The following NAPRT variants were observed in gnomAD, a reference collection of about 807,000 sequenced individuals.
NAPRT encodes nicotinate phosphoribosyltransferase, also known as FHA-HIT-interacting protein.
A neutral mutation model predicts 60.7 loss-of-function variants in NAPRT; 66 were observed. That is an observed-to-expected ratio of 1.09 (90% CI 0.89 to 1.33). The LOEUF (loss-of-function observed/expected upper bound fraction) is 1.33, where lower values mean the gene tolerates loss of function less well. Ranked by LOEUF, NAPRT falls within the 40% of genes most tolerant of loss-of-function variation. The pLI is 0.00. For missense variants in NAPRT, 818 were observed against 731.5 expected, an observed-to-expected ratio of 1.12 and a Z score of -1.36; for synonymous variants, 405 against 335.7, an observed-to-expected ratio of 1.21 and a Z score of -2.26.
downstream of NAPRT, chr8:143,573,378 T>G (rs1824194966): frequency 6.6e-6 from 1 of 152,342 alleles, no homozygotes; most frequent in African/African-American, 2.4e-5. Context: ...AATCTCATGT[T>G]GAAACGTAAT....
Position 143,575,084 on chromosome 8 carries a change from G to C in NAPRT, c.1456C>G (p.Pro486Ala), listed in dbSNP as rs748543129. ...CTAGACTCTGCCAGGGATGGGAGCGGCTCACACAGCTGCAGGGAGGAGGTA... is the reference window on the plus strand; with the variant it reads ...CTAGACTCTGCCAGGGATGGGAGCGCCTCACACAGCTGCAGGGAGGAGGTA... ...LCLQQGQLCEPLPSLAESRAL... is the reference protein window; with the variant it reads ...LCLQQGQLCEALPSLAESRAL... Residue 486 changes from proline to alanine, a missense_variant, in exon 12 of 13, where the codon CCG becomes GCG. Physicochemically the swap from Pro to Ala is conservative, Grantham distance 27 (BLOSUM62 -1). Transcript: ENST00000449291. The C allele has an allele frequency of 6.6e-7, 1 of 1,516,298 alleles. No individual in the cohort carries two copies. Among genetic ancestry groups the C allele is most frequent in the Admixed American group, 2.1e-5 (1 of 48,420 alleles). The allele number at this position is 1,516,298 out of a possible 1,614,324, so 93.9% of individuals were successfully genotyped here. A position where few individuals can be genotyped will look rare whatever the true frequency, so the allele number is the denominator to read the frequency against.
Position 143,574,874 on chromosome 8 carries a change from G to A in NAPRT, c.1581C>T (p.Ala527=), listed in dbSNP as rs1158339535. ...GCCCCGCACACAGACTGTTCACCAG[G>A]GCCTGCAGCCTCTCGGACAGCACCA... ...YQVVLSERLQ[A]LVNSLCAGQS... is the part of the protein sequence containing the mutation. Residue 527 remains alanine (A), a synonymous_variant, in exon 13 of 13, where the codon GCC becomes GCT. Transcript: ENST00000449291. 2 of 1,550,634 alleles carry A rather than the reference G, an allele frequency of 1.3e-6. No individual in the cohort carries two copies. The highest frequency in any genetic ancestry group is 2.0e-5 in the Admixed American group (1 of 51,016).
downstream of NAPRT, chr8:143,574,711 C>G: frequency 8.6e-7 from 1 of 1,166,356 alleles, no homozygotes; most frequent in Non-Finnish European, 1.2e-6. Context: ...ATTCCCGACT[C>G]CAGCCCAGCC....
rs1166947577 is a variant in NAPRT at position 143,576,061 on chromosome 8, C to A, written c.1107+17G>T. On this transcript the variant is annotated intron_variant, in intron 8 of 12. Transcript: ENST00000449291. Reference sequence around the variant, plus strand: ...AGCCCCCCAGCCACCCTCCGCCTACCCACTCATCCACCCCACCTCCTGGGC... The same window carrying A: ...AGCCCCCCAGCCACCCTCCGCCTACACACTCATCCACCCCACCTCCTGGGC... 1.3e-6 allele frequency: 2 copies of A among 1,562,568 alleles called. No homozygotes were observed. The highest frequency in any genetic ancestry group is 2.3e-5 in the East Asian group (1 of 43,936).
chr8:143,578,192 G>T lies in NAPRT; in HGVS notation c.127C>A (p.Leu43Ile). The T allele has an allele frequency of 6.6e-7, 1 of 1,511,658 alleles. No individual in the cohort carries two copies. 93.6% of individuals were successfully genotyped at this position (1,511,658 alleles called of 1,614,324 possible). Residue 43 changes from leucine to isoleucine, a missense_variant, in exon 1 of 13, where the codon CTC becomes ATC. Transcript: ENST00000449291. Reference sequence around the variant, plus strand: ...CCGAACGGGCAGCGGCGGAAGAAGAGCTCGAACTCGGCGGCGTCCCGCGCC... The same window carrying T: ...CCGAACGGGCAGCGGCGGAAGAAGATCTCGAACTCGGCGGCGTCCCGCGCC... ...GRARDAAEFE[L>I]FFRRCPFGGA...
intron 5 of NAPRT, 35 bp from the exon 6 acceptor site, chr8:143,576,877 G>A (rs749325100): frequency 3.6e-5 from 56 of 1,569,814 alleles, no homozygotes; most frequent in Non-Finnish European, 4.8e-5. Flanking sequence ...TGGGGGCCAG[G>A]AATGCAGGAT....
downstream of NAPRT, chr8:143,572,888 C>T (rs1032588993): frequency 1.6e-5 from 12 of 748,232 alleles, no homozygotes; most frequent in African/African-American, 1.3e-4. Flanking sequence ...TTGAGGGGCC[C>T]TCCTGCCTGG....
At position 143,576,712 on chromosome 8, in the gene NAPRT, A is replaced by C. The variant is rs767391193; in HGVS notation, c.815T>G (p.Phe272Cys). The change falls in exon 6 of 13, where the codon TTT becomes TGT. Residue 272 changes from phenylalanine (F) to cysteine (C), a missense_variant. Transcript: ENST00000449291. ...QEPHPGERAAFVAYALAFPRA... is the reference protein window; with the variant it reads ...QEPHPGERAACVAYALAFPRA... Reference sequence around the variant, plus strand: ...GGGAAAAGCCAAGGCATAGGCCACAAAGGCTGCCCGCTCGCCTGGATGCGG... The same window carrying C: ...GGGAAAAGCCAAGGCATAGGCCACACAGGCTGCCCGCTCGCCTGGATGCGG... 1.2e-6 allele frequency: 2 copies of C among 1,610,282 alleles called. No homozygotes were observed. The highest frequency in any genetic ancestry group is 3.3e-5 in the Admixed American group (2 of 59,872).
At position 143,577,376 on chromosome 8, in the gene NAPRT, C is replaced by T. The variant is rs1185252109; in HGVS notation, c.461G>A (p.Arg154Gln). The T allele has an allele frequency of 3.7e-6, 6 of 1,607,780 alleles. No individual in the cohort carries two copies. The highest frequency in any genetic ancestry group is 1.7e-4 in the Middle Eastern group (1 of 5,926). Reference protein sequence around the residue: ...YASLVATNAARLRLIAGPEKR... With the variant: ...YASLVATNAAQLRLIAGPEKR... ...CTCTGGCCCTGCGATCAAGCGAAGC[C>T]GCGCTGCGTTGGTGGCCACCAGGCT... The change falls in exon 4 of 13, where the codon CGG (arginine) becomes CAG (glutamine). Residue 154 changes from arginine (R) to glutamine (Q), a missense_variant. Coordinates refer to ENST00000449291, the MANE Select transcript of NAPRT (RefSeq NM_145201.6).
rs568011940 is a variant in NAPRT, at chr8:143,575,403, G to A, written c.1291+20C>T. ...CTGGTGCTTTGAAGGTGGACAGCAG[G>A]GGGGATGGGAGGGCCTCACCGTCAG... On this transcript the variant is annotated intron_variant, in intron 10 of 12. Coordinates refer to ENST00000449291, the MANE Select transcript of NAPRT (RefSeq NM_145201.6). 6.9e-6 allele frequency: 11 copies of A among 1,594,100 alleles called. No homozygotes were observed. The Admixed American group carries it at 1.5e-4, about 22-fold the overall frequency.
At chr8:143,577,530 G>A (rs1824562787) in intron 3 of NAPRT, 127 bp downstream of exon 3, 8 of 1,448,068 alleles carry the variant, frequency 5.5e-6, no homozygotes, top group African/African-American at 2.8e-5. Flanking sequence ...ACACCCTGAA[G>A]AGTGGGGGCG....
At position 143,576,587 on chromosome 8, in the gene NAPRT, AAGGG is replaced by A. The variant is rs1824477039; in HGVS notation, c.882-19_882-16del. On this transcript the variant is annotated splice_polypyrimidine_tract_variant and intron_variant, in intron 6 of 12. Coordinates refer to ENST00000449291, the MANE Select transcript of NAPRT (RefSeq NM_145201.6). Reference sequence around the variant, plus strand: ...GGAGACCACTCCTGCAGAAATAGATAAGGGAGTCAGAGGCTGCTGAGGTTCTGCT... The same window carrying A: ...GGAGACCACTCCTGCAGAAATAGATAAGTCAGAGGCTGCTGAGGTTCTGCT... The A allele has an allele frequency of 6.2e-7, 1 of 1,608,288 alleles. No individual in the cohort carries two copies. The highest frequency in any genetic ancestry group is 8.5e-7 in the Non-Finnish European group (1 of 1,177,294).
At position 143,576,653 on chromosome 8, in the gene NAPRT, C is replaced by T. The variant is rs199622906; in HGVS notation, c.874G>A (p.Val292Met). The T allele has an allele frequency of 8.1e-6, 13 of 1,610,362 alleles. No individual in the cohort carries two copies. The highest frequency in any genetic ancestry group is 4.5e-5 in the East Asian group (2 of 44,774). The change falls in exon 6 of 13, where the codon GTG becomes ATG. Residue 292 changes from valine (V) to methionine (M), a missense_variant. Physicochemically the swap from Val to Met is conservative, Grantham distance 21. Coordinates refer to ENST00000449291, the MANE Select transcript of NAPRT (RefSeq NM_145201.6). ...AFQGLLDTYS[V>M]WRSGLPNFLA... is the part of the protein sequence containing the mutation. ...TAAAGTGCCCGGGCTCACCTCCACA[C>T]GCTGTAGGTGTCCAGGAGGCCCTGG...
intron 1 of NAPRT, 22 bp downstream of exon 1, chr8:143,578,071 C>T (rs750244615): frequency 6.0e-6 from 9 of 1,496,376 alleles, no homozygotes; most frequent in African/African-American, 1.4e-5. Flanking sequence ...GTGGGGGGCT[C>T]GTCGCGCGGA....
Position 143,577,267 on chromosome 8 carries a change from A to G in NAPRT, c.568+2T>C, listed in dbSNP as rs1250777085. The G allele has an allele frequency of 6.2e-7, 1 of 1,608,668 alleles. No individual in the cohort carries two copies. The highest frequency in any genetic ancestry group is 1.7e-5 in the Admixed American group (1 of 59,686). On this transcript the variant is annotated splice_donor_variant, in intron 4 of 12. Coordinates refer to ENST00000449291, the MANE Select transcript of NAPRT (RefSeq NM_145201.6). LOFTEE classifies it high-confidence loss of function. ...TTGCCTTGCCCCGCACCAGACACTC[A>G]CCGCCCAGGTAGCTGTAGGTGGAGG...
Position 143,576,869 on chromosome 8 carries a change from G to A in NAPRT, c.685-27C>T, listed in dbSNP as rs561137765. On this transcript the variant is annotated intron_variant, in intron 5 of 12. Coordinates refer to ENST00000449291, the MANE Select transcript of NAPRT (RefSeq NM_145201.6). ...TGTGGAACAGAGTCGGTGAAGAATG[G>A]GGGCCAGGAATGCAGGATGAGGCCT... is the stretch of plus-strand genomic sequence containing the variant. The A allele has an allele frequency of 2.5e-6, 4 of 1,577,076 alleles. No homozygotes were observed. In the East Asian group the frequency reaches 6.8e-5, roughly 27 times the overall value.
intron 11 of NAPRT, 34 bp downstream of exon 11, chr8:143,575,157 C>T: frequency 3.1e-6 from 5 of 1,588,790 alleles, no homozygotes; most frequent in Non-Finnish European, 4.3e-6. Flanking sequence ...TCTACCGGGG[C>T]TGGGGGTCAG....
At chr8:143,576,272 T>G (rs1252295172) in intron 7 of NAPRT, 110 bp from the exon 8 acceptor site, 3 of 1,375,216 alleles carry the variant, frequency 2.2e-6, no homozygotes, top group Non-Finnish European at 3.0e-6. Context: ...TGTGCTCACC[T>G]TCTGCTTGGG....
chr8:143,575,148 C>G (rs1460051342), intron 11 of NAPRT, 43 bp downstream of exon 11: 4 of 1,580,280 alleles, frequency 2.5e-6, no homozygotes, highest in Non-Finnish European at 3.4e-6. Context: ...AGTCAGGGCT[C>G]TACCGGGGCT....
Sources: gnomAD v4.1 joint callset for allele counts on GRCh38, gnomAD v4.1.1 for gene constraint, MANE v1.5 for transcripts, NCBI Gene and HGNC (gene_info 2026-07-23, HGNC 2026-07-21) for gene names.